The following IMMT variants were observed in gnomAD, a reference collection of about 807,000 sequenced individuals.
IMMT encodes the protein MICOS complex subunit MIC60.
A neutral mutation model predicts 92.7 loss-of-function variants in IMMT; 40 were observed. The ratio of observed to expected loss-of-function variants is 0.43; its 90% CI spans 0.34 to 0.56. The LOEUF (loss-of-function observed/expected upper bound fraction) is 0.56. IMMT is among the 20% of genes least tolerant of loss of function. The pLI, the probability that IMMT is intolerant of heterozygous loss-of-function variation, is 0.03. For synonymous variants in IMMT, 322 were observed against 336.1 expected (o/e 0.96, Z 0.46); for missense variants, 831 against 912.1 (o/e 0.91, Z 1.14).
chr2:86,157,788 CAA>C (rs74548175), intron 10 of IMMT, among the ~76,000 whole-genome samples: 3 of 84,228 alleles, frequency 3.6e-5, no homozygotes, highest in African/African-American at 6.4e-5. Flanking sequence ...AACTTTGTCT[CAA>C]AAAAAAAAAA....
chr2:86,173,440 C>T (rs1205844974), intron 4 of IMMT: 10 of 433,086 alleles, frequency 2.3e-5, no homozygotes, highest in Admixed American at 4.1e-5. Context: ...ATTAGCTGGG[C>T]GTGCTGGCAC....
At chr2:86,148,916 CCTA>C (rs1457007752) in intron 12 of IMMT, among the ~76,000 whole-genome samples, 1 of 152,192 alleles carries the variant, frequency 6.6e-6, no homozygotes, top group East Asian at 1.9e-4. Context: ...CCAGGCAGTG[CCTA>C]CTATCTGTAC....
At chr2:86,155,024 G>A (rs375145256) in intron 10 of IMMT, among the ~76,000 whole-genome samples, 12 of 152,064 alleles carry the variant, frequency 7.9e-5, no homozygotes, top group Non-Finnish European at 1.6e-4. Flanking sequence ...CACCATGCTC[G>A]ACTGATTTTT....
chr2:86,189,967 G>C (rs1005738612), intron 1 of IMMT, among the ~76,000 whole-genome samples: 3 of 152,172 alleles, frequency 2.0e-5, no homozygotes, highest in African/African-American at 7.2e-5. Context: ...GTGCTCTTTA[G>C]TTATAGAAAT....
At position 86,170,808 on chromosome 2, in the gene IMMT, G is replaced by A. The variant is rs1301660135; in HGVS notation, c.596C>T (p.Pro199Leu). Residue 199 changes from proline (P) to leucine (L), a missense_variant, in exon 6 of 15, where the codon CCT becomes CTT. Transcript: ENST00000410111. ...ASSSSIRERP[P>L]EEVAARLAQQ... Reference sequence around the variant, plus strand: ...TGCAAGGCGAGCTGCAACTTCTTCAGGTGGTCGCTCCCTTATAGAAGATGA... The same window carrying A: ...TGCAAGGCGAGCTGCAACTTCTTCAAGTGGTCGCTCCCTTATAGAAGATGA... 6.3e-7 allele frequency: 1 copy of A among 1,589,584 alleles called. No individual in the cohort carries two copies. Among genetic ancestry groups the A allele is most frequent in the Admixed American group, 1.8e-5 (1 of 56,482 alleles).
chr2:86,184,738 C>CAA lies in IMMT; in HGVS notation c.46-3368_46-3367dup, dbSNP rs60481149. Reference sequence around the variant, plus strand: ...CTGTTGGTGAGGGCTTAAAGAAAAGCAAAAAAAAAAAAAAATTTTGGAACC... The same window carrying CAA: ...CTGTTGGTGAGGGCTTAAAGAAAAGCAAAAAAAAAAAAAAAAATTTTGGAACC... On this transcript the variant is annotated intron_variant, in intron 1 of 14. Coordinates refer to ENST00000410111, the MANE Select transcript of IMMT (RefSeq NM_006839.3). Among the ~76,000 whole-genome samples, 590 of 100,178 alleles carry CAA rather than the reference C, an allele frequency of 5.9e-3. 12 individuals carry two copies. The East Asian group carries it at 0.11, about 19-fold the overall frequency. 65.7% of individuals were successfully genotyped at this position (100,178 alleles called of 152,430 possible).
chr2:86,147,183 A>G (rs1675082378), intron 13 of IMMT, among the ~76,000 whole-genome samples: 1 of 152,258 alleles, frequency 6.6e-6, no homozygotes, highest in Non-Finnish European at 1.5e-5. Flanking sequence ...TCAGAAAAAT[A>G]TCCAAATAGA....
chr2:86,144,954 C>T lies in IMMT; in HGVS notation c.1664-73G>A. 2.0e-6 allele frequency: 3 copies of T among 1,486,626 alleles called. 1 individual carries two copies. In the South Asian group the frequency reaches 4.0e-5, roughly 20 times the overall value. 92.1% of individuals were successfully genotyped at this position (1,486,626 alleles called of 1,614,324 possible). A position where few individuals can be genotyped will look rare whatever the true frequency, so the allele number is the denominator to read the frequency against. ...AACATACATCCACAGAACTGATGCA[C>T]ATTCAACAAGCTACATCTACACATG... On this transcript the variant is annotated intron_variant, in intron 14 of 14. Transcript: ENST00000410111.
At chr2:86,186,380 G>A (rs942880616) in intron 1 of IMMT, among the ~76,000 whole-genome samples, 1 of 152,110 alleles carries the variant, frequency 6.6e-6, no homozygotes, top group Admixed American at 6.5e-5. Context: ...TTCCAGAAAC[G>A]TGCCCCTCTC....
intron 2 of IMMT, 25 bp from the exon 3 acceptor site, chr2:86,179,647 A>G (rs761829015): frequency 1.5e-5 from 24 of 1,554,764 alleles, no homozygotes; most frequent in African/African-American, 4.1e-5. Flanking sequence ...CAGGAAATAC[A>G]TTTATATTTC....
chr2:86,156,280 T>C (rs1484222351), intron 10 of IMMT, among the ~76,000 whole-genome samples: 1 of 152,168 alleles, frequency 6.6e-6, no homozygotes, highest in Admixed American at 6.6e-5. Flanking sequence ...TGAGAACCAC[T>C]GTTTAACATT....
intron 4 of IMMT, among the ~76,000 whole-genome samples, chr2:86,171,860 A>ATTT (rs375045380): frequency 8.0e-5 from 9 of 112,536 alleles, no homozygotes; most frequent in Middle Eastern, 8.8e-3. Context: ...ATATATATAT[A>ATTT]TATTTTTTGC....
chr2:86,145,660 A>G (rs953552677), intron 14 of IMMT, among the ~76,000 whole-genome samples: 2 of 152,034 alleles, frequency 1.3e-5, no homozygotes, highest in Non-Finnish European at 2.9e-5. Context: ...CCTCATTGTC[A>G]TGACATTTCT....
At chr2:86,148,118 T>C (rs1323672701) in intron 12 of IMMT, among the ~76,000 whole-genome samples, 1 of 152,178 alleles carries the variant, frequency 6.6e-6, no homozygotes, top group Non-Finnish European at 1.5e-5. Flanking sequence ...GCCTCTCATA[T>C]AAAACACTGC....
At chr2:86,148,630 A>G (rs2104598259) in intron 12 of IMMT, among the ~76,000 whole-genome samples, 1 of 152,250 alleles carries the variant, frequency 6.6e-6, no homozygotes, top group Middle Eastern at 3.4e-3. Context: ...AAAAGAAAAG[A>G]AAATTAGTAA....
intron 13 of IMMT, among the ~76,000 whole-genome samples, chr2:86,147,446 T>C (rs1419398553): frequency 1.3e-5 from 2 of 152,202 alleles, no homozygotes; most frequent in East Asian, 3.8e-4. Context: ...TGTCAAATAT[T>C]ACTGTCTGCA....
intron 9 of IMMT, among the ~76,000 whole-genome samples, chr2:86,158,924 C>A (rs946781279): frequency 1.3e-5 from 2 of 152,022 alleles, no homozygotes; most frequent in African/African-American, 4.8e-5. Context: ...TCCCATCTTA[C>A]TATGCCCCCT....
intron 1 of IMMT, among the ~76,000 whole-genome samples, chr2:86,188,033 T>C (rs1672891685): frequency 6.6e-6 from 1 of 152,012 alleles, no homozygotes; most frequent in Non-Finnish European, 1.5e-5. Context: ...CTCACCAACA[T>C]TTGTTATTTT....
In IMMT at chr2:86,144,021, C is replaced by G. The variant is rs1409645032; in HGVS notation, c.*247G>C. The stretch of plus-strand genomic sequence containing the variant: ...ACAAACATTATTTTGATTGGCCTCA[C>G]AAGCCTCATCAGTAAAACCTGAAAA... On this transcript the variant is annotated 3_prime_UTR_variant, in exon 15 of 15. Transcript: ENST00000410111. 2 of 563,076 alleles carry G rather than the reference C, an allele frequency of 3.6e-6. No homozygotes were observed. The highest frequency in any genetic ancestry group is 3.2e-6 in the Non-Finnish European group (1 of 316,282). The allele number at this position is 563,076 out of a possible 1,614,324, so 34.9% of individuals were successfully genotyped here.
Sources: allele counts gnomAD v4.1 joint callset (sites outside exome capture counted in the v4.1 genomes callset), GRCh38; gene constraint gnomAD v4.1.1; transcripts MANE v1.5; gene names NCBI Gene and HGNC (gene_info 2026-07-23, HGNC 2026-07-21).